Variants in MIA2 observed in about 807,000 individuals in gnomAD.
MIA2 encodes the protein MIA SH3 domain ER export factor 2.
Under a neutral mutation model 167.8 loss-of-function variants are expected in MIA2, and 127 were observed. The ratio of observed to expected loss-of-function variants is 0.76; its 90% confidence interval spans 0.66 to 0.88. MIA2 has a LOEUF of 0.88. Ranked by LOEUF, MIA2 falls within the 40% of genes least tolerant of loss-of-function variation. The pLI, the probability that MIA2 is intolerant of heterozygous loss-of-function variation, is 0.00. For missense variants in MIA2, 1,690 were observed against 1,624.7 expected (o/e 1.04, Z -0.69); for synonymous variants, 552 against 541.9 (o/e 1.02, Z -0.26).
In MIA2 at chr14:39,332,996, A is replaced by G. The variant is rs1234470560; in HGVS notation, c.3655+5974A>G. On this transcript the variant is annotated intron_variant, in intron 25 of 28. Coordinates refer to ENST00000640607, the MANE Select transcript of MIA2 (RefSeq NM_001329214.4). ...TATTTTAGATATATTTTTCAGGTCTAAAATTACCATTTGGTTCCTTTTTAT... is the reference window on the plus strand; with the variant it reads ...TATTTTAGATATATTTTTCAGGTCTGAAATTACCATTTGGTTCCTTTTTAT... Among the ~76,000 whole-genome samples the G allele has an allele frequency of 2.0e-5, 3 of 152,176 alleles. No homozygotes were observed. The East Asian group carries it at 5.8e-4, about 29-fold the overall frequency.
intron 6 of MIA2, among the ~76,000 whole-genome samples, chr14:39,268,538 T>A (rs532981207): frequency 8.8e-4 from 134 of 152,306 alleles, no homozygotes; most frequent in African/African-American, 2.8e-3. Context: ...GGAGCTGTAT[T>A]ACTTAGAGTG....
At chr14:39,290,285 CTCACTGTTTTGATAGCTCTCTGAGGCTT>C (rs1434666995) in intron 9 of MIA2, among the ~76,000 whole-genome samples, 2 of 152,080 alleles carry the variant, frequency 1.3e-5, no homozygotes, top group Non-Finnish European at 2.9e-5. Context: ...CTCACAAATT[CTCACTGTTTTGATAGCTCTCTGAGGCTT>C]TCAGACAGAT....
At chr14:39,361,339 C>G (rs943116341) in intron 23 of MIA2, among the ~76,000 whole-genome samples, 1 of 151,868 alleles carries the variant, frequency 6.6e-6, no homozygotes, top group African/African-American at 2.4e-5. Context: ...TTGTAGTTTT[C>G]CTTGTGAAGG....
intron 25 of MIA2, among the ~76,000 whole-genome samples, chr14:39,331,386 C>T (rs549616288): frequency 1.1e-3 from 166 of 152,132 alleles, no homozygotes; most frequent in African/African-American, 3.5e-3. Flanking sequence ...TACAGTACAC[C>T]GATGGGTCTT....
intron 25 of MIA2, among the ~76,000 whole-genome samples, chr14:39,327,533 C>T (rs1046323774): frequency 6.6e-6 from 1 of 152,228 alleles, no homozygotes. Context: ...AGAGTCACAG[C>T]AGAATATCTT....
chr14:39,285,655 C>T (rs12879313), intron 9 of MIA2, among the ~76,000 whole-genome samples: 4 of 52,420 alleles, frequency 7.6e-5, no homozygotes, highest in Non-Finnish European at 1.1e-4. Context: ...GCTGGCCGGG[C>T]TGGGGCTGAC....
At chr14:39,382,953 GTTTTT>G (rs10689511) in intron 23 of MIA2, among the ~76,000 whole-genome samples, 11 of 75,044 alleles carry the variant, frequency 1.5e-4, no homozygotes, top group African/African-American at 2.1e-4. Context: ...TATGGCCACA[GTTTTT>G]TTTTTTTTTT....
chr14:39,329,313 C>T (rs2068266387), intron 25 of MIA2, among the ~76,000 whole-genome samples: 3 of 152,132 alleles, frequency 2.0e-5, no homozygotes. Context: ...GATTTTGTAT[C>T]CTGAGACTTT....
intron 6 of MIA2, among the ~76,000 whole-genome samples, chr14:39,261,730 C>G (rs1028234022): frequency 1.1e-4 from 17 of 152,170 alleles, no homozygotes; most frequent in African/African-American, 4.1e-4. Context: ...TTGCATTTCT[C>G]TGATGGCCAG....
intron 6 of MIA2, among the ~76,000 whole-genome samples, chr14:39,268,000 AGAAT>A (rs2056308823): frequency 6.6e-6 from 1 of 150,670 alleles, no homozygotes; most frequent in Non-Finnish European, 1.5e-5. Context: ...TTTTTGGTAA[AGAAT>A]GAATGCCCTT....
At chr14:39,299,799 C>T in intron 13 of MIA2, 65 bp from the exon 14 acceptor site, 1 of 1,521,992 alleles carries the variant, frequency 6.6e-7, no homozygotes, top group Non-Finnish European at 8.7e-7. Flanking sequence ...TACATAATGC[C>T]TTCTTGGTAT....
intron 21 of MIA2, 68 bp from the exon 22 acceptor site, chr14:39,317,875 AT>A: frequency 2.0e-6 from 2 of 983,458 alleles, no homozygotes; most frequent in South Asian, 3.5e-5. Flanking sequence ...GAATGTTTAT[AT>A]TGACATATTT....
intron 6 of MIA2, among the ~76,000 whole-genome samples, chr14:39,268,351 A>G (rs540117337): frequency 7.2e-5 from 11 of 152,258 alleles, no homozygotes; most frequent in Non-Finnish European, 1.5e-4. Context: ...GCATACGCAT[A>G]TATATGTATT....
downstream of MIA2, chr14:39,351,383 A>AG: frequency 6.6e-6 from 1 of 151,430 alleles, no homozygotes. Context: ...CACCTCAAAA[A>AG]AAAAAAACAA....
intron 23 of MIA2, among the ~76,000 whole-genome samples, chr14:39,356,674 C>G (rs909327115): frequency 6.6e-6 from 1 of 152,168 alleles, no homozygotes; most frequent in African/African-American, 2.4e-5. Context: ...TTTCTGCTTT[C>G]TCTTGTGGGC....
chr14:39,347,609 G>T (rs2153077017), intron 26 of MIA2, 104 bp from the exon 27 acceptor site: 1 of 1,127,952 alleles, frequency 8.9e-7, no homozygotes, highest in East Asian at 2.5e-5. Context: ...GCTGGCTTAT[G>T]TGCCAACAAG....
At chr14:39,354,481 T>C (rs1226136002), downstream of MIA2, among the ~76,000 whole-genome samples, 1 of 152,246 alleles carries the variant, frequency 6.6e-6, no homozygotes, top group Non-Finnish European at 1.5e-5. Flanking sequence ...GATGAGTAGA[T>C]TGCAAAAATG....
At chr14:39,255,378 C>T (rs1216239424) in intron 6 of MIA2, among the ~76,000 whole-genome samples, 3 of 151,994 alleles carry the variant, frequency 2.0e-5, no homozygotes, top group Admixed American at 1.3e-4. Context: ...CGTGGTGGCG[C>T]GCATCTATAA....
intron 6 of MIA2, among the ~76,000 whole-genome samples, chr14:39,274,455 G>A (rs2057637889): frequency 6.9e-6 from 1 of 145,750 alleles, no homozygotes; most frequent in African/African-American, 2.5e-5. Context: ...TTGAGATGGA[G>A]TCTCACTCTG....
Sources: allele counts gnomAD v4.1 joint callset (sites outside exome capture counted in the v4.1 genomes callset), GRCh38; gene constraint gnomAD v4.1.1; transcripts MANE v1.5; gene names NCBI Gene and HGNC (gene_info 2026-07-23, HGNC 2026-07-21).